Variants in PLXNA4 observed in about 807,000 individuals in gnomAD.
PLXNA4 encodes the protein plexin-A4.
PLXNA4 carries 44 observed loss-of-function variants against 191.8 expected under a neutral mutation model. That is an observed-to-expected ratio of 0.23 (90% confidence interval 0.18 to 0.29). The LOEUF (loss-of-function observed/expected upper bound fraction) is 0.29. Ranked by LOEUF, PLXNA4 falls within the 10% of genes least tolerant of loss-of-function variation. PLXNA4 has a pLI of 1.00. For missense variants in PLXNA4, 1,800 were observed against 2,488.8 expected (o/e 0.72, Z 5.89); for synonymous variants, 1,082 against 1,009.5 (o/e 1.07, Z -1.36).
intron 3 of PLXNA4, among the ~76,000 whole-genome samples, chr7:132,319,804 C>A (rs1023615768): frequency 6.6e-6 from 1 of 151,982 alleles, no homozygotes; most frequent in African/African-American, 2.4e-5. Flanking sequence ...GCCTTCCCAG[C>A]CATGGGGCTT....
chr7:132,294,856 G>C (rs1801018691), intron 4 of PLXNA4, among the ~76,000 whole-genome samples: 1 of 152,200 alleles, frequency 6.6e-6, no homozygotes, highest in East Asian at 1.9e-4. Context: ...CAGAGGAAAG[G>C]CTATGTGAGG....
intron 9 of PLXNA4, among the ~76,000 whole-genome samples, chr7:132,219,318 C>G (rs1221914441): frequency 2.6e-5 from 4 of 152,178 alleles, no homozygotes; most frequent in African/African-American, 9.7e-5. Flanking sequence ...ACTTGACACT[C>G]ACTCTATAAT....
chr7:132,317,286 A>G (rs1584983811), intron 3 of PLXNA4, among the ~76,000 whole-genome samples: 1 of 143,216 alleles, frequency 7.0e-6, no homozygotes, highest in African/African-American at 2.6e-5. Flanking sequence ...GATTGGATTG[A>G]ATTGGGTTGA....
intron 9 of PLXNA4, among the ~76,000 whole-genome samples, chr7:132,218,865 TA>T (rs1445354497): frequency 6.6e-6 from 1 of 152,204 alleles, no homozygotes; most frequent in Non-Finnish European, 1.5e-5. Context: ...CTATTTCTAA[TA>T]ATTGTAATTA....
intron 3 of PLXNA4, among the ~76,000 whole-genome samples, chr7:132,339,562 A>C (rs894568810): frequency 6.6e-6 from 1 of 152,216 alleles, no homozygotes; most frequent in Non-Finnish European, 1.5e-5. Context: ...AGGCATCAAT[A>C]AAAAAGGGAA....
chr7:132,363,175 G>A (rs1804017141), intron 3 of PLXNA4, among the ~76,000 whole-genome samples: 1 of 152,054 alleles, frequency 6.6e-6, no homozygotes, highest in Non-Finnish European at 1.5e-5. Flanking sequence ...AGTAGAGATG[G>A]GATTTCATCA....
chr7:132,582,044 C>T (rs1802411536), upstream of PLXNA4, among the ~76,000 whole-genome samples: 1 of 152,150 alleles, frequency 6.6e-6, no homozygotes, highest in South Asian at 2.1e-4. Context: ...CCATGTCTTG[C>T]TACAACAAGA....
chr7:132,480,298 CAG>C (rs1797287957), intron 3 of PLXNA4, among the ~76,000 whole-genome samples: 1 of 152,164 alleles, frequency 6.6e-6, no homozygotes, highest in Admixed American at 6.5e-5. Flanking sequence ...GATAGACACT[CAG>C]AAGGAAAAAG....
At chr7:132,283,943 G>A (rs1800584027) in intron 4 of PLXNA4, among the ~76,000 whole-genome samples, 1 of 152,222 alleles carries the variant, frequency 6.6e-6, no homozygotes, top group African/African-American at 2.4e-5. Context: ...GGGAGGCCAA[G>A]GCAGGAGGAT....
intron 10 of PLXNA4, among the ~76,000 whole-genome samples, chr7:132,208,309 C>A (rs778489316): frequency 6.6e-6 from 1 of 152,326 alleles, no homozygotes; most frequent in African/African-American, 2.4e-5. Context: ...CTTCTGTTGC[C>A]TCAGTTTCTT....
chr7:132,499,825 G>A (rs79869318), intron 2 of PLXNA4, among the ~76,000 whole-genome samples: 2,689 of 152,158 alleles, frequency 0.018, 85 homozygotes, highest in African/African-American at 0.062. Flanking sequence ...TAAATCAGCC[G>A]AACAAATCCC....
intron 2 of PLXNA4, among the ~76,000 whole-genome samples, chr7:132,494,792 T>C (rs1397461559): frequency 6.6e-6 from 1 of 152,162 alleles, no homozygotes; most frequent in African/African-American, 2.4e-5. Context: ...TCTGAAAAGC[T>C]CTATCATCTC....
rs75426742 is a variant in PLXNA4, at chr7:132,326,609, C to A, written c.1372-28387G>T. 8.3e-3 allele frequency among the ~76,000 whole-genome samples: 1,263 copies of A among 152,286 alleles called. 10 individuals carry two copies. The highest frequency in any genetic ancestry group is 0.013 in the Non-Finnish European group (870 of 68,008). On this transcript the variant is annotated intron_variant, in intron 3 of 31. Transcript: ENST00000321063. ...TTGGATGCTCTCTCGGAGAACCTCA[C>A]AAGGCTGGCCCTCGCTTCCCGCGGC...
chr7:132,412,976 A>G (rs1393902547), intron 3 of PLXNA4, among the ~76,000 whole-genome samples: 1 of 152,064 alleles, frequency 6.6e-6, no homozygotes, highest in Non-Finnish European at 1.5e-5. Context: ...AGTGACTAGG[A>G]AACAAAGATC....
At chr7:132,298,317 G>T in intron 3 of PLXNA4, 95 bp from the exon 4 acceptor site, 2 of 1,474,082 alleles carry the variant, frequency 1.4e-6, no homozygotes, top group East Asian at 2.3e-5. Context: ...CCAAGGGAGA[G>T]GGCATGAGTT....
At chr7:132,337,484 G>A (rs896844485) in intron 3 of PLXNA4, among the ~76,000 whole-genome samples, 1 of 152,232 alleles carries the variant, frequency 6.6e-6, no homozygotes, top group African/African-American at 2.4e-5. Context: ...AAGTCATATG[G>A]AGAAGGTTGT....
intron 3 of PLXNA4, among the ~76,000 whole-genome samples, chr7:132,309,174 G>A (rs553364492): frequency 6.6e-6 from 1 of 152,278 alleles, no homozygotes; most frequent in Non-Finnish European, 1.5e-5. Flanking sequence ...TTTAACTCAG[G>A]AGAGACTCAG....
intron 4 of PLXNA4, among the ~76,000 whole-genome samples, chr7:132,250,538 C>T (rs968765895): frequency 2.9e-4 from 44 of 152,200 alleles, no homozygotes; most frequent in African/African-American, 9.7e-4. Context: ...TTTCTCTGAG[C>T]TCTCATGCTC....
intron 9 of PLXNA4, among the ~76,000 whole-genome samples, chr7:132,222,127 GACA>G (rs575411954): frequency 2.5e-4 from 38 of 152,172 alleles, no homozygotes; most frequent in Non-Finnish European, 4.6e-4. Context: ...CCTCTCTCCA[GACA>G]ACATCTCCAC....
Sources: allele counts gnomAD v4.1 joint callset (sites outside exome capture counted in the v4.1 genomes callset), GRCh38; gene constraint gnomAD v4.1.1; transcripts MANE v1.5; gene names NCBI Gene and HGNC (gene_info 2026-07-23, HGNC 2026-07-21).